CCDC88A: variants seen among roughly 807,000 people sequenced by gnomAD.
The protein encoded by CCDC88A is coiled-coil and HOOK domain protein 88A.
A neutral mutation model predicts 234.3 loss-of-function variants in CCDC88A; 54 were observed. That is an observed-to-expected ratio of 0.23 (90% CI 0.19 to 0.29). The LOEUF is 0.29. CCDC88A is among the 10% of genes least tolerant of loss of function. The probability of loss-of-function intolerance (pLI) is 1.00; values close to 1 mark genes in which losing one functional copy is unlikely to be tolerated. For synonymous variants in CCDC88A, 753 were observed against 737.8 expected, an observed-to-expected ratio of 1.02 and a Z score of -0.33; for missense variants, 1,832 against 2,123.4, an observed-to-expected ratio of 0.86 and a Z score of 2.70.
intron 15 of CCDC88A, among the ~76,000 whole-genome samples, chr2:55,333,562 A>G (rs942328489): frequency 2.0e-5 from 3 of 152,152 alleles, no homozygotes; most frequent in Non-Finnish European, 4.4e-5. Flanking sequence ...TAGCTGTGTG[A>G]TCCTAATTTA....
intron 12 of CCDC88A, among the ~76,000 whole-genome samples, chr2:55,340,821 T>C (rs1668378949): frequency 6.6e-6 from 1 of 152,166 alleles, no homozygotes; most frequent in Middle Eastern, 3.2e-3. Flanking sequence ...TAAATACATA[T>C]TATTCCCTAA....
At chr2:55,362,485 T>G in intron 6 of CCDC88A, 37 bp from the exon 7 acceptor site, 1 of 1,566,120 alleles carries the variant, frequency 6.4e-7, no homozygotes, top group South Asian at 1.2e-5. Context: ...ACCAAAAAAG[T>G]GGCTAATACT....
intron 7 of CCDC88A, among the ~76,000 whole-genome samples, chr2:55,358,496 T>C (rs145719032): frequency 1.9e-4 from 29 of 152,288 alleles, no homozygotes; most frequent in Admixed American, 5.2e-4. Flanking sequence ...TATCCTTTTA[T>C]TGAAATCTTG....
intron 29 of CCDC88A, among the ~76,000 whole-genome samples, chr2:55,297,679 G>A (rs940626395): frequency 1.3e-5 from 2 of 151,390 alleles, no homozygotes; most frequent in African/African-American, 4.9e-5. Flanking sequence ...ACAAAGTGCT[G>A]GGATTACAGG....
At chr2:55,380,861 T>C (rs765637405) in intron 3 of CCDC88A, among the ~76,000 whole-genome samples, 1 of 152,104 alleles carries the variant, frequency 6.6e-6, no homozygotes. Flanking sequence ...AAATGATCGC[T>C]TGCCTTGGCC....
intron 4 of CCDC88A, among the ~76,000 whole-genome samples, chr2:55,374,294 G>C (rs1462929506): frequency 1.3e-5 from 2 of 152,146 alleles, no homozygotes; most frequent in Admixed American, 1.3e-4. Context: ...CTTGAACCCA[G>C]GAGGTTGAGG....
At chr2:55,304,592 CA>C (rs1449153418) in intron 25 of CCDC88A, among the ~76,000 whole-genome samples, 1 of 151,808 alleles carries the variant, frequency 6.6e-6, no homozygotes, top group Admixed American at 6.6e-5. Flanking sequence ...GGAGGTACCC[CA>C]AAGCAAGCAA....
chr2:55,304,877 A>T (rs1246019648), intron 25 of CCDC88A, among the ~76,000 whole-genome samples: 1 of 152,202 alleles, frequency 6.6e-6, no homozygotes, highest in African/African-American at 2.4e-5. Context: ...TAATAACTAC[A>T]TTCTTTCTCA....
At chr2:55,346,570 C>G (rs184221032) in intron 9 of CCDC88A, among the ~76,000 whole-genome samples, 9 of 152,190 alleles carry the variant, frequency 5.9e-5, no homozygotes, top group African/African-American at 2.2e-4. Context: ...AAAGCTCCCC[C>G]CACCATGCCC....
intron 23 of CCDC88A, among the ~76,000 whole-genome samples, 183 bp downstream of exon 23, chr2:55,312,251 A>G (rs991403823): frequency 6.6e-6 from 1 of 152,200 alleles, no homozygotes; most frequent in Non-Finnish European, 1.5e-5. Context: ...ATTCTTTAAG[A>G]GCAAGATGCA....
chr2:55,336,883 C>G, intron 13 of CCDC88A, 65 bp from the exon 14 acceptor site: 1 of 1,013,272 alleles, frequency 9.9e-7, no homozygotes, highest in East Asian at 2.7e-5. Context: ...CATGTCAAAA[C>G]AAAACATAAT....
At position 55,346,300 on chromosome 2, in the gene CCDC88A, T is replaced by G; in HGVS notation, c.916A>C (p.Arg306=). The change falls in exon 10 of 33, where the codon AGA becomes CGA. Residue 306 remains arginine, a synonymous_variant. Transcript: ENST00000436346. ...GCATCTAATTCATCTCGGTACATTC[T>G]GGCAGAGCGAGCATCCGAAAGCAAA... is the stretch of plus-strand genomic sequence containing the variant. ...MNLLSDARSA[R]MYRDELDALR... is the part of the protein sequence containing the mutation. 1 of 1,602,628 alleles carries G rather than the reference T, an allele frequency of 6.2e-7. No individual in the cohort carries two copies. Among genetic ancestry groups the G allele is most frequent in the Non-Finnish European group, 8.5e-7 (1 of 1,173,672 alleles).
chr2:55,331,346 T>C (rs993023472), intron 16 of CCDC88A, among the ~76,000 whole-genome samples: 1 of 152,212 alleles, frequency 6.6e-6, no homozygotes, highest in Admixed American at 6.5e-5. Flanking sequence ...AACTGATTGC[T>C]AGAATAAATG....
intron 17 of CCDC88A, among the ~76,000 whole-genome samples, chr2:55,326,723 C>T (rs540707996): frequency 6.6e-5 from 10 of 152,182 alleles, no homozygotes; most frequent in Middle Eastern, 3.4e-3. Flanking sequence ...CCCGCCACCA[C>T]GCCTGGCTGG....
chr2:55,394,651 A>T (rs1412595200), intron 2 of CCDC88A: 1 of 94,552 alleles, frequency 1.1e-5, no homozygotes, highest in Non-Finnish European at 1.9e-5. Flanking sequence ...CACACTGGGG[A>T]CTGTTGTGGG....
chr2:55,362,875 T>C (rs955446335), intron 6 of CCDC88A, among the ~76,000 whole-genome samples: 9 of 151,990 alleles, frequency 5.9e-5, no homozygotes, highest in South Asian at 2.1e-4. Flanking sequence ...TAGGTCTTTA[T>C]AGATTCTGAA....
Position 55,334,749 on chromosome 2 carries a change from G to A in CCDC88A, c.2072C>T (p.Ser691Phe). Residue 691 changes from serine to phenylalanine, a missense_variant, in exon 15 of 33, where the codon TCC (serine) becomes TTC (phenylalanine). Physicochemically the swap from Ser to Phe is radical, Grantham distance 155. Transcript: ENST00000436346. The surrounding 1 kb of genome is among the most constrained non-coding windows in gnomAD (Gnocchi z 6.1). ...SFKNLTFQLESLEKENSQLDE... is the reference protein window; with the variant it reads ...SFKNLTFQLEFLEKENSQLDE... ...AAGTTGGGAATTCTCTTTTTCTAGGGATTCTAACTGAAAGGTCAGATTTTT... is the reference window on the plus strand; with the variant it reads ...AAGTTGGGAATTCTCTTTTTCTAGGAATTCTAACTGAAAGGTCAGATTTTT... The A allele has an allele frequency of 6.2e-7, 1 of 1,610,014 alleles. No homozygotes were observed. The highest frequency in any genetic ancestry group is 8.5e-7 in the Non-Finnish European group (1 of 1,178,604).
intron 5 of CCDC88A, among the ~76,000 whole-genome samples, chr2:55,370,084 T>C (rs1672593747): frequency 6.6e-6 from 1 of 152,176 alleles, no homozygotes; most frequent in Non-Finnish European, 1.5e-5. Flanking sequence ...GATACATCAT[T>C]CTGGCACCAC....
chr2:55,310,052 C>T (rs1377259759), intron 23 of CCDC88A, among the ~76,000 whole-genome samples: 1 of 151,966 alleles, frequency 6.6e-6, no homozygotes, highest in African/African-American at 2.4e-5. Context: ...ATTAGATAGG[C>T]TGAAAAGGAA....
Sources: allele counts gnomAD v4.1 joint callset (sites outside exome capture counted in the v4.1 genomes callset), GRCh38; gene constraint gnomAD v4.1.1; non-coding constraint Gnocchi (gnomAD v3.1); transcripts MANE v1.5; gene names NCBI Gene and HGNC (gene_info 2026-07-23, HGNC 2026-07-21).